Variants in NXPE1 observed in about 807,000 individuals in gnomAD.
NXPE1 encodes the protein NXPE family member 1.
Under a neutral mutation model 33.3 loss-of-function variants are expected in NXPE1, and 31 were observed. The ratio of observed to expected loss-of-function variants is 0.93; its 90% CI spans 0.70 to 1.26. NXPE1 has a LOEUF of 1.26. Ranked by LOEUF, NXPE1 falls within the 50% of genes most tolerant of loss-of-function variation. The pLI, the probability that NXPE1 is intolerant of heterozygous loss-of-function variation, is 0.00. For missense variants in NXPE1, 661 were observed against 655.6 expected, an observed-to-expected ratio of 1.01 and a Z score of -0.09; for synonymous variants, 229 against 231.4, an observed-to-expected ratio of 0.99 and a Z score of 0.09.
At chr11:114,527,887 A>C in exon 7 of NXPE1, 2 of 1,592,076 alleles carry the variant, frequency 1.3e-6, no homozygotes, top group Admixed American at 1.7e-5. Context: ...CATCATTTCA[A>C]CTCCCACTTT....
At chr11:114,530,192 T>C in exon 6 of NXPE1, 1 of 1,607,090 alleles carries the variant, frequency 6.2e-7, no homozygotes, top group Non-Finnish European at 8.5e-7. Context: ...AAAGGCTGTT[T>C]TCCTTGTCTG....
chr11:114,527,801 C>T, intron 7 of NXPE1, 39 bp downstream of exon 7: 2 of 1,461,378 alleles, frequency 1.4e-6, no homozygotes, highest in Non-Finnish European at 9.4e-7. Context: ...ATAAAAGTTT[C>T]CTCTGAGCAT....
intron 3 of NXPE1, 101 bp from the exon 4 acceptor site, chr11:114,551,542 T>A (rs1335361734): frequency 3.0e-6 from 1 of 337,578 alleles, no homozygotes; most frequent in Non-Finnish European, 4.4e-6. Flanking sequence ...GAAAACTTAA[T>A]TCATCAGCAT....
downstream of NXPE1, among the ~76,000 whole-genome samples, chr11:114,521,157 T>A (rs1331215374): frequency 2.0e-5 from 3 of 151,728 alleles, no homozygotes; most frequent in Non-Finnish European, 4.4e-5. Flanking sequence ...GGTTATTGAT[T>A]TTCTCTTTAA....
rs765146411 is a variant in NXPE1 at position 114,523,013 on chromosome 11, C to T, written c.974G>A (p.Trp325Ter). Residue 325 changes from tryptophan to a stop codon, truncating the protein, a stop_gained, in exon 8 of 9, where the codon TGG (tryptophan) becomes TAG (stop). Coordinates refer to ENST00000534921, the Ensembl canonical transcript of NXPE1. LOFTEE classifies it high-confidence loss of function. ...AACCTGGTTGCAAAATGTTGTTATC[C>T]ATTTTCCTTGTAAAGTATAACCACC... The T allele has an allele frequency of 1.9e-6, 3 of 1,613,686 alleles. No homozygotes were observed. The South Asian group carries it at 3.3e-5, about 18-fold the overall frequency.
chr11:114,530,391 T>TAACAAATA lies in NXPE1; in HGVS notation c.616_617insTATTTGTT (p.Lys206IlefsTer20). 1.9e-6 allele frequency: 3 copies of TAACAAATA among 1,614,208 alleles called. No individual in the cohort carries two copies. Among genetic ancestry groups the TAACAAATA allele is most frequent in the Non-Finnish European group, 2.5e-6 (3 of 1,180,034 alleles). On this transcript the variant is annotated frameshift_variant, in exon 6 of 9. Transcript: ENST00000534921. LOFTEE classifies it high-confidence loss of function. ...AGAGGTGCCATTAACAAATTTGCCT[T>TAACAAATA]TGAAAATAATTTTATCATAGCCTTG... is the stretch of plus-strand genomic sequence containing the variant.
In NXPE1 at chr11:114,535,311, C is replaced by T. The variant is rs934671911; in HGVS notation, c.100-4403G>A. 3.3e-5 allele frequency among the ~76,000 whole-genome samples: 5 copies of T among 152,154 alleles called. No individual in the cohort carries two copies. In the South Asian group the frequency reaches 8.3e-4, roughly 25 times the overall value. On this transcript the variant is annotated intron_variant, in intron 5 of 8. Transcript: ENST00000534921. ...AAACATGGAAAGGAGCAACCGGTAC[C>T]AGCCACTGCAAAAACAAGCCAAATT...
intron 1 of NXPE1, among the ~76,000 whole-genome samples, chr11:114,559,257 T>C (rs1222524391): frequency 2.0e-5 from 3 of 152,170 alleles, no homozygotes; most frequent in African/African-American, 4.8e-5. Context: ...CTAGACTCTA[T>C]AGTCAGTGAA....
chr11:114,548,862 GT>G (rs1948366956), intron 5 of NXPE1, among the ~76,000 whole-genome samples: 1 of 151,412 alleles, frequency 6.6e-6, no homozygotes, highest in South Asian at 2.1e-4. Flanking sequence ...AAAAACCTGG[GT>G]TTTATTTTGA....
At chr11:114,551,238 T>A in intron 4 of NXPE1, 27 bp from the exon 5 acceptor site, 2 of 1,410,130 alleles carry the variant, frequency 1.4e-6, no homozygotes, top group Non-Finnish European at 1.9e-6. Flanking sequence ...AAGAGAGGAG[T>A]CGTGAGAAGT....
chr11:114,522,479 T>A (rs1397832645), exon 9 of NXPE1: 1 of 1,602,698 alleles, frequency 6.2e-7, no homozygotes, highest in African/African-American at 1.3e-5. Context: ...GATTCCAGTT[T>A]CATGAAGATC....
chr11:114,527,983 A>G, intron 6 of NXPE1, 82 bp from the exon 7 acceptor site: 2 of 1,037,618 alleles, frequency 1.9e-6, no homozygotes, highest in Middle Eastern at 2.1e-4. Context: ...TGAGTGAAGG[A>G]AAATTTTTAG....
At position 114,530,263 on chromosome 11, in the gene NXPE1, G is replaced by A. The variant is rs750291617; in HGVS notation, c.745C>T (p.His249Tyr). 4 of 1,613,984 alleles carry A rather than the reference G, an allele frequency of 2.5e-6. No homozygotes were observed. The African/African-American group carries it at 5.3e-5, about 22-fold the overall frequency. Residue 249 changes from histidine to tyrosine, a missense_variant, in exon 6 of 9, where the codon CAC becomes TAC. Transcript: ENST00000534921. ...TAGGTCAGAGCCTCACAGGGCATGT[G>A]TTGAGGCTTCATACAATAGAAGGCT...
intron 7 of NXPE1, among the ~76,000 whole-genome samples, chr11:114,525,266 C>T (rs1277697171): frequency 6.6e-6 from 1 of 151,952 alleles, no homozygotes. Context: ...TAGACCTGCC[C>T]ACTGAGAAAT....
rs115653681 is a variant in NXPE1 at position 114,530,520 on chromosome 11, G to A, written c.488C>T (p.Thr163Ile). The stretch of plus-strand genomic sequence containing the variant: ...GAACAGAGTGAAGCTGACCAGGTAG[G>A]TGCCATTGTTGAAGTCCATCACCTT... Residue 163 changes from threonine to isoleucine, a missense_variant, in exon 6 of 9, where the codon ACC becomes ATC. Thr to Ile is a moderately conservative substitution (Grantham distance 89). Coordinates refer to ENST00000534921, the Ensembl canonical transcript of NXPE1. The A allele has an allele frequency of 1.7e-4, 277 of 1,613,950 alleles. 1 individual carries two copies. The African/African-American group carries it at 3.1e-3, about 18-fold the overall frequency.
chr11:114,551,020 C>T (rs1346350075), intron 5 of NXPE1, 83 bp downstream of exon 5: 1 of 711,674 alleles, frequency 1.4e-6, no homozygotes, highest in African/African-American at 1.8e-5. Flanking sequence ...AGGGGCAGGA[C>T]TAATGGAGTG....
intron 5 of NXPE1, among the ~76,000 whole-genome samples, chr11:114,548,148 T>C (rs1014948154): frequency 1.3e-5 from 2 of 152,128 alleles, no homozygotes; most frequent in African/African-American, 4.8e-5. Flanking sequence ...AAGCAATGAA[T>C]ATTTATGCAC....
chr11:114,522,349 C>T lies in NXPE1; in HGVS notation c.1263G>A (p.Arg421=), dbSNP rs2134892309. The T allele has an allele frequency of 2.5e-6, 4 of 1,614,014 alleles. No individual in the cohort carries two copies. The East Asian group carries it at 8.9e-5, about 36-fold the overall frequency. The change falls in exon 9 of 9, where the codon CGG becomes CGA. Residue 421 remains arginine (R), a synonymous_variant. Coordinates refer to ENST00000534921, the Ensembl canonical transcript of NXPE1. ...TGTCACCTGATAGCCGGTCAATTTC[C>T]CGAGGGATATAATCATGATCTATCA...
intron 5 of NXPE1, among the ~76,000 whole-genome samples, chr11:114,539,246 A>G (rs553638519): frequency 6.9e-6 from 1 of 143,916 alleles, no homozygotes; most frequent in Non-Finnish European, 1.5e-5. Context: ...GAACACATGG[A>G]CACAGGAAGG....
Sources: gnomAD v4.1 joint callset for allele counts (sites outside exome capture counted in the v4.1 genomes callset) on GRCh38, gnomAD v4.1.1 for gene constraint, MANE v1.5 for transcripts, NCBI Gene and HGNC (gene_info 2026-07-23, HGNC 2026-07-21) for gene names.